The following ANK2 variants were observed in gnomAD, a reference collection of about 807,000 sequenced individuals.
ANK2 encodes ankyrin-2.
ANK2 carries 83 observed loss-of-function variants against 360.5 expected under a neutral mutation model. The ratio of observed to expected loss-of-function variants is 0.23; its 90% CI spans 0.19 to 0.28. ANK2 has a LOEUF of 0.28. Among genes scored for constraint, ANK2 ranks in the 10% least tolerant of loss-of-function variants. The pLI is 1.00. For missense variants in ANK2, 4,201 were observed against 4,795.7 expected (o/e 0.88, Z 3.66); for synonymous variants, 1,740 against 1,759.5 (o/e 0.99, Z 0.28).
the ANK2 span, among the ~76,000 whole-genome samples, chr4:112,782,586 G>A: frequency 6.6e-6 from 1 of 151,938 alleles, no homozygotes; most frequent in African/African-American, 2.4e-5. Context: ...CAGATTAAAG[G>A]CTGGGCTCGG....
chr4:112,872,268 G>A (rs2073389861), intron 1 of ANK2, among the ~76,000 whole-genome samples: 1 of 151,846 alleles, frequency 6.6e-6, no homozygotes, highest in Non-Finnish European at 1.5e-5. Context: ...GGGCTCAAGC[G>A]ATCCTCCTGC....
At chr4:112,749,147 GCCTC>G in the ANK2 span, among the ~76,000 whole-genome samples, 1 of 152,102 alleles carries the variant, frequency 6.6e-6, no homozygotes, top group Admixed American at 6.6e-5. Context: ...TGATCCACCC[GCCTC>G]GGCCTCCCAC....
At chr4:113,137,680 T>C (rs2096487699) in intron 1 of ANK2, among the ~76,000 whole-genome samples, 1 of 152,192 alleles carries the variant, frequency 6.6e-6, no homozygotes, top group Non-Finnish European at 1.5e-5. Flanking sequence ...TATCTTCTGG[T>C]AGAGAAGATT....
Position 112,829,491 on chromosome 4 carries a change from C to CAAAAAAAAAAAA in ANK2, c.-40+11235_-40+11246dup, listed in dbSNP as rs60272903. ...GCAACATAGTATGAGCCCATCTCTA[C>CAAAAAAAAAAAA]AAAAAAAAAAAAAAAAAAAGGAAGG... is the stretch of plus-strand genomic sequence containing the variant. On this transcript the variant is annotated intron_variant, in intron 1 of 30. Transcript: ENST00000503271. 6.6e-4 allele frequency among the ~76,000 whole-genome samples: 40 copies of CAAAAAAAAAAAA among 60,720 alleles called. 3 individuals are homozygous for CAAAAAAAAAAAA. In the South Asian group the frequency reaches 0.013, roughly 20 times the overall value. 39.8% of individuals were successfully genotyped at this position (60,720 alleles called of 152,430 possible).
intron 1 of ANK2, among the ~76,000 whole-genome samples, chr4:113,101,007 G>C (rs2092739058): frequency 6.6e-6 from 1 of 152,050 alleles, no homozygotes; most frequent in South Asian, 2.1e-4. Context: ...GAAGCACAGG[G>C]AATTTTTAGG....
the ANK2 span, among the ~76,000 whole-genome samples, chr4:112,747,141 A>C: frequency 6.6e-6 from 1 of 152,356 alleles, no homozygotes; most frequent in African/African-American, 2.4e-5. Flanking sequence ...AAGAGTATCA[A>C]CATCCTGAGG....
chr4:112,766,394 GA>G, the ANK2 span, among the ~76,000 whole-genome samples: 6 of 151,152 alleles, frequency 4.0e-5, no homozygotes, highest in African/African-American at 1.5e-4. Context: ...TATTTTGCCA[GA>G]AAAAAAAATT....
intron 2 of ANK2, among the ~76,000 whole-genome samples, chr4:113,036,268 A>T (rs1017258722): frequency 6.7e-6 from 1 of 150,226 alleles, no homozygotes; most frequent in Non-Finnish European, 1.5e-5. Flanking sequence ...AAAAAAAAAT[A>T]GAAAATTATC....
intron 2 of ANK2, among the ~76,000 whole-genome samples, chr4:112,993,791 C>T (rs2047659993): frequency 6.6e-6 from 1 of 152,112 alleles, no homozygotes; most frequent in Non-Finnish European, 1.5e-5. Context: ...ACTGCAACCT[C>T]CGTCACCTGG....
At chr4:113,244,710 T>C (rs1397724700) in intron 9 of ANK2, among the ~76,000 whole-genome samples, 1 of 152,188 alleles carries the variant, frequency 6.6e-6, no homozygotes, top group Non-Finnish European at 1.5e-5. Context: ...GGTGGTTTGC[T>C]GCACCCATCA....
chr4:112,829,083 G>T (rs951067244), intron 1 of ANK2, among the ~76,000 whole-genome samples: 6 of 152,174 alleles, frequency 3.9e-5, no homozygotes, highest in African/African-American at 1.4e-4. Context: ...AACCCAGGAG[G>T]CAGAGGTTTC....
Position 113,334,533 on chromosome 4 carries a change from T to A in ANK2, c.3380-1313T>A, listed in dbSNP as rs1325803145. Reference sequence around the variant, plus strand: ...GGGTATTAATAGAAAGTTAATAGATTAATTAATCTATTACTAGAAAGTTAA... The same window carrying A: ...GGGTATTAATAGAAAGTTAATAGATAAATTAATCTATTACTAGAAAGTTAA... On this transcript the variant is annotated intron_variant, in intron 29 of 45. Transcript: ENST00000357077. Among the ~76,000 whole-genome samples, 4 of 149,998 alleles carry A rather than the reference T, an allele frequency of 2.7e-5. No homozygotes were observed. The East Asian group carries it at 7.8e-4, about 29-fold the overall frequency.
chr4:112,821,499 A>ATTTTTTTTT (rs952095787), intron 1 of ANK2, among the ~76,000 whole-genome samples: 1 of 144,430 alleles, frequency 6.9e-6, no homozygotes, highest in African/African-American at 2.6e-5. Flanking sequence ...GACTACCCTA[A>ATTTTTTTTT]TTTTTTTTTT....
chr4:113,083,872 A>G (rs562034180), intron 1 of ANK2, among the ~76,000 whole-genome samples: 1 of 152,348 alleles, frequency 6.6e-6, no homozygotes, highest in South Asian at 2.1e-4. Flanking sequence ...TAGGTGACAT[A>G]AGAGTTACGG....
At chr4:113,249,231 T>G (rs537412290) in intron 9 of ANK2, among the ~76,000 whole-genome samples, 8 of 152,328 alleles carry the variant, frequency 5.3e-5, no homozygotes, top group Admixed American at 2.0e-4. Context: ...ATGCTTCACT[T>G]TTGCAAGCAT....
rs770882355 is a variant in ANK2 at position 113,363,381 on chromosome 4, A to G, written c.10800A>G (p.Gln3600=). ...ATTTCACTGAGGAGCAAATTCATCA[A>G]ATTCGAATTGAAAATCCCAACTCTC... ...ELDFTEEQIH[Q]IRIENPNSLQ... Residue 3600 remains glutamine (Q), a synonymous_variant, in exon 40 of 46, where the codon CAA becomes CAG. Coordinates refer to ENST00000357077, the MANE Select transcript of ANK2 (RefSeq NM_001148.6). 1.2e-6 allele frequency: 2 copies of G among 1,613,466 alleles called. No homozygotes were observed. The highest frequency in any genetic ancestry group is 3.3e-5 in the Admixed American group (2 of 59,938).
intron 16 of ANK2, 52 bp downstream of exon 16, chr4:113,277,987 G>T: frequency 6.6e-7 from 1 of 1,508,482 alleles, no homozygotes. Flanking sequence ...TGATAGATTA[G>T]GAGATCTGTA....
Position 113,339,206 on chromosome 4 carries a change from CA to C in ANK2, c.3797-18del. The C allele has an allele frequency of 1.3e-6, 2 of 1,591,582 alleles. No homozygotes were observed. Among genetic ancestry groups the C allele is most frequent in the Non-Finnish European group, 1.7e-6 (2 of 1,160,464 alleles). ...GTCTGGAGTTTTGCCTGATTTTTTT[CA>C]ACAATCATATTATTTCAGGTGGAAC... is the stretch of plus-strand genomic sequence containing the variant. On this transcript the variant is annotated intron_variant, in intron 31 of 45. Transcript: ENST00000357077.
At chr4:112,761,377 T>C in the ANK2 span, among the ~76,000 whole-genome samples, 1 of 151,936 alleles carries the variant, frequency 6.6e-6, no homozygotes. Context: ...TCCCAGCACT[T>C]TGGGAGGCCG....
Sources: allele counts gnomAD v4.1 joint callset (sites outside exome capture counted in the v4.1 genomes callset), GRCh38; gene constraint gnomAD v4.1.1; transcripts MANE v1.5; gene names NCBI Gene and HGNC (gene_info 2026-07-23, HGNC 2026-07-21).